The following EMSY variants were observed in gnomAD, a reference collection of about 807,000 sequenced individuals.
EMSY encodes the protein BRCA2-interacting transcriptional repressor EMSY.
In EMSY, 26 loss-of-function variants were observed where a neutral mutation model predicts 134.6. The ratio of observed to expected loss-of-function variants is 0.19; its 90% CI spans 0.14 to 0.27. The LOEUF (loss-of-function observed/expected upper bound fraction) is 0.27. EMSY is among the 10% of genes least tolerant of loss of function. The pLI, the probability that EMSY is intolerant of heterozygous loss-of-function variation, is 1.00. For synonymous variants in EMSY, 579 were observed against 577.8 expected (o/e 1.00, Z -0.03); for missense variants, 1,305 against 1,611.4 (o/e 0.81, Z 3.26).
intron 7 of EMSY, among the ~76,000 whole-genome samples, chr11:76,467,680 C>T (rs996018806): frequency 2.6e-5 from 4 of 152,114 alleles, no homozygotes; most frequent in Admixed American, 1.3e-4. Context: ...TCCCTTGAGC[C>T]TGTTTCTTTG....
intron 9 of EMSY, 77 bp from the exon 11 acceptor site, chr11:76,513,309 A>G: frequency 7.2e-7 from 1 of 1,395,150 alleles, no homozygotes; most frequent in East Asian, 2.5e-5. Flanking sequence ...GTGTGTGACT[A>G]CTGCCCTCTT....
intron 11 of EMSY, among the ~76,000 whole-genome samples, chr11:76,520,812 G>A (rs1408524638): frequency 2.9e-5 from 1 of 34,480 alleles, no homozygotes; most frequent in Non-Finnish European, 9.1e-5. Flanking sequence ...TAAAACTTAA[G>A]TAAGGAATAT....
intron 6 of EMSY, chr11:76,461,105 AAG>A (rs531149800): frequency 2.2e-4 from 33 of 152,234 alleles, no homozygotes; most frequent in Non-Finnish European, 4.3e-4. Flanking sequence ...AGAAAGTGGA[AAG>A]AGAGCAGGTG....
intron 14 of EMSY, among the ~76,000 whole-genome samples, chr11:76,530,190 A>C (rs1950985211): frequency 1.8e-5 from 2 of 111,850 alleles, no homozygotes; most frequent in Admixed American, 1.2e-4. Context: ...ATAGAGTTTC[A>C]CTCTTGTTGC....
At chr11:76,501,427 T>C (rs1590909342) in intron 9 of EMSY, among the ~76,000 whole-genome samples, 1 of 152,126 alleles carries the variant, frequency 6.6e-6, no homozygotes. Context: ...AACATGATTA[T>C]AGAAGTAAAA....
intron 8 of EMSY, among the ~76,000 whole-genome samples, chr11:76,473,351 G>T (rs1245971760): frequency 2.0e-5 from 3 of 151,130 alleles, no homozygotes; most frequent in African/African-American, 4.9e-5. Context: ...CTGTCACCCA[G>T]GCTGGAGTGC....
In EMSY at chr11:76,452,947, A is replaced by AT. The variant is rs573357244; in HGVS notation, c.171-367_171-366insT. Among the ~76,000 whole-genome samples the AT allele has an allele frequency of 3.9e-5, 6 of 152,322 alleles. No homozygotes were observed. In the South Asian group the frequency reaches 1.2e-3, roughly 32 times the overall value. ...TTGTAAGTGACAAAATCCTCTTCTCAGCAGTCACAATTAGGAAGCCATTCA... is the reference window on the plus strand; with the variant it reads ...TTGTAAGTGACAAAATCCTCTTCTCATGCAGTCACAATTAGGAAGCCATTCA... On this transcript the variant is annotated intron_variant, in intron 3 of 20. Coordinates refer to ENST00000334736, the Ensembl canonical transcript of EMSY.
At chr11:76,446,285 A>G (rs1428397425) in intron 1 of EMSY, among the ~76,000 whole-genome samples, 1 of 150,764 alleles carries the variant, frequency 6.6e-6, no homozygotes, top group African/African-American at 2.5e-5. Flanking sequence ...TTCATATTCC[A>G]TTAAGACTTG....
chr11:76,498,903 G>A (rs1021495557), intron 9 of EMSY, among the ~76,000 whole-genome samples: 2 of 152,184 alleles, frequency 1.3e-5, no homozygotes, highest in Non-Finnish European at 2.9e-5. Flanking sequence ...TGTATTTGAA[G>A]TGAGTTTCTT....
chr11:76,477,762 A>G (rs1948823673), intron 8 of EMSY, among the ~76,000 whole-genome samples: 1 of 152,188 alleles, frequency 6.6e-6, no homozygotes, highest in African/African-American at 2.4e-5. Flanking sequence ...AGAAGCTGTA[A>G]TTAGCTTTTA....
At chr11:76,552,125 C>A (rs1294305872), downstream of EMSY, 6 of 152,036 alleles carry the variant, frequency 3.9e-5, no homozygotes, top group Non-Finnish European at 8.8e-5. Context: ...TAAAATTTTT[C>A]TTTTAAAGGT....
intron 20 of EMSY, 97 bp downstream of exon 21, chr11:76,546,394 G>A (rs758171832): frequency 1.4e-6 from 2 of 1,449,408 alleles, no homozygotes; most frequent in Admixed American, 4.5e-5. Flanking sequence ...ATCAAGCCAA[G>A]ACAGCAGGAA....
At chr11:76,501,274 G>A (rs1949848138) in intron 9 of EMSY, among the ~76,000 whole-genome samples, 1 of 151,986 alleles carries the variant, frequency 6.6e-6, no homozygotes, top group African/African-American at 2.4e-5. Flanking sequence ...GACATAAGGA[G>A]GCAGGTAAAG....
chr11:76,518,705 T>TATATATA (rs1406438858), intron 11 of EMSY, among the ~76,000 whole-genome samples: 178 of 80,726 alleles, frequency 2.2e-3, no homozygotes, highest in Admixed American at 6.3e-3. Flanking sequence ...ATATATATAT[T>TATATATA]TTTTTTTTAA....
At chr11:76,456,372 A>G (rs1228090815) in intron 4 of EMSY, among the ~76,000 whole-genome samples, 2 of 152,184 alleles carry the variant, frequency 1.3e-5, no homozygotes, top group African/African-American at 2.4e-5. Flanking sequence ...TTTCAGTAGC[A>G]TATGTTCATG....
intron 9 of EMSY, among the ~76,000 whole-genome samples, chr11:76,506,931 A>C (rs1016705840): frequency 1.3e-5 from 2 of 152,208 alleles, no homozygotes; most frequent in African/African-American, 2.4e-5. Flanking sequence ...GAAAGACTGG[A>C]AACAACCTTA....
chr11:76,475,071 A>G (rs776471658), intron 8 of EMSY, among the ~76,000 whole-genome samples: 2 of 152,166 alleles, frequency 1.3e-5, no homozygotes, highest in Non-Finnish European at 2.9e-5. Flanking sequence ...GCCTAAATAT[A>G]AAAATAATTT....
intron 14 of EMSY, among the ~76,000 whole-genome samples, chr11:76,531,382 A>G (rs1951035986): frequency 1.3e-5 from 2 of 152,176 alleles, no homozygotes; most frequent in South Asian, 2.1e-4. Context: ...TTAACCTGGA[A>G]TAGGTCCTCA....
intron 8 of EMSY, among the ~76,000 whole-genome samples, chr11:76,491,801 C>T (rs1025158746): frequency 1.1e-4 from 17 of 152,216 alleles, no homozygotes; most frequent in African/African-American, 3.4e-4. Context: ...GTAAGCCAGT[C>T]TCCAGAGTGA....
Sources: gnomAD v4.1 joint callset for allele counts (sites outside exome capture counted in the v4.1 genomes callset) on GRCh38, gnomAD v4.1.1 for gene constraint, MANE v1.5 for transcripts, NCBI Gene and HGNC (gene_info 2026-07-23, HGNC 2026-07-21) for gene names.